The following NRXN1 variants were observed in gnomAD, a reference collection of about 807,000 sequenced individuals.
NRXN1 encodes neurexin-1.
In NRXN1, 39 loss-of-function variants were observed where a neutral mutation model predicts 150.9. The ratio of observed to expected loss-of-function variants is 0.26; its 90% CI spans 0.20 to 0.34. The LOEUF is 0.34. NRXN1 is among the 10% of genes least tolerant of loss of function. The probability of loss-of-function intolerance (pLI) is 1.00; values close to 1 mark genes in which losing one functional copy is unlikely to be tolerated. For missense variants in NRXN1, 1,815 were observed against 1,949.9 expected (o/e 0.93, Z 1.30); for synonymous variants, 924 against 757.0 (o/e 1.22, Z -3.62).
chr2:50,147,065 T>C (rs1558973625), intron 18 of NRXN1, among the ~76,000 whole-genome samples: 1 of 151,746 alleles, frequency 6.6e-6, no homozygotes, highest in Non-Finnish European at 1.5e-5. Flanking sequence ...AAATGCTCTC[T>C]GATTGGTGGG....
intron 17 of NRXN1, among the ~76,000 whole-genome samples, chr2:50,412,985 A>T (rs997805269): frequency 6.6e-6 from 1 of 152,236 alleles, no homozygotes; most frequent in Non-Finnish European, 1.5e-5. Context: ...AATTACTACA[A>T]GAAAACACTG....
Position 50,938,769 on chromosome 2 carries a change from A to T in NRXN1, c.773-12814T>A, listed in dbSNP as rs577053938. On this transcript the variant is annotated intron_variant, in intron 2 of 22. Coordinates refer to ENST00000401669, the MANE Select transcript of NRXN1 (RefSeq NM_001330078.2). ...ACATGAGGAATTAAATGAAGAATGA[A>T]TGACCCAATGGTAAAATCAGGCCTG... Among the ~76,000 whole-genome samples the T allele has an allele frequency of 4.6e-5, 7 of 152,340 alleles. No individual in the cohort carries two copies. In the South Asian group the frequency reaches 1.4e-3, roughly 32 times the overall value.
At chr2:50,179,711 A>G (rs1254542300) in intron 18 of NRXN1, among the ~76,000 whole-genome samples, 1 of 152,150 alleles carries the variant, frequency 6.6e-6, no homozygotes, top group East Asian at 1.9e-4. Context: ...TTAAATTGTT[A>G]CCCTTTTTTA....
At chr2:50,976,808 T>C (rs1465108474) in intron 2 of NRXN1, among the ~76,000 whole-genome samples, 1 of 151,950 alleles carries the variant, frequency 6.6e-6, no homozygotes, top group Non-Finnish European at 1.5e-5. Context: ...AATCATCGAT[T>C]AAATAACATT....
At chr2:50,543,058 T>C (rs1573475920) in intron 9 of NRXN1, among the ~76,000 whole-genome samples, 2 of 152,262 alleles carry the variant, frequency 1.3e-5, no homozygotes, top group East Asian at 3.9e-4. Context: ...TATATATCAA[T>C]GGAAAAGGAG....
intron 17 of NRXN1, among the ~76,000 whole-genome samples, chr2:50,299,435 T>A (rs1268546083): frequency 6.6e-6 from 1 of 151,906 alleles, no homozygotes; most frequent in African/African-American, 2.4e-5. Flanking sequence ...TAAAACTGAC[T>A]TCTAAATTTA....
chr2:50,249,746 T>C (rs1349214098), intron 17 of NRXN1, among the ~76,000 whole-genome samples: 1 of 151,980 alleles, frequency 6.6e-6, no homozygotes, highest in East Asian at 1.9e-4. Flanking sequence ...CAAGCTATTC[T>C]CCTGCCTCAG....
At chr2:50,991,396 G>C (rs1488530388) in intron 2 of NRXN1, among the ~76,000 whole-genome samples, 1 of 151,718 alleles carries the variant, frequency 6.6e-6, no homozygotes, top group Admixed American at 6.6e-5. Context: ...TCATCAAAAT[G>C]GATGCTTGTG....
intron 5 of NRXN1, among the ~76,000 whole-genome samples, chr2:50,651,372 G>A (rs2104559020): frequency 6.6e-6 from 1 of 152,048 alleles, no homozygotes; most frequent in South Asian, 2.1e-4. Context: ...CAGCACTTTG[G>A]GAGGCCGAGG....
At chr2:50,904,107 A>T (rs902759961) in intron 5 of NRXN1, among the ~76,000 whole-genome samples, 1 of 152,132 alleles carries the variant, frequency 6.6e-6, no homozygotes, top group Non-Finnish European at 1.5e-5. Context: ...CAGAACCCTT[A>T]GGCTCAGTAA....
intron 9 of NRXN1, among the ~76,000 whole-genome samples, chr2:50,550,916 C>T (rs1667372706): frequency 1.3e-5 from 2 of 151,718 alleles, no homozygotes; most frequent in South Asian, 2.1e-4. Context: ...CTCCTGACCT[C>T]GTGATCTGCC....
chr2:50,878,855 C>G (rs1236465701), intron 5 of NRXN1, among the ~76,000 whole-genome samples: 1 of 151,920 alleles, frequency 6.6e-6, no homozygotes, highest in Non-Finnish European at 1.5e-5. Flanking sequence ...TTTGCTTCCC[C>G]AAAGATTCTC....
intron 19 of NRXN1, among the ~76,000 whole-genome samples, chr2:50,072,582 G>A (rs1189704979): frequency 1.3e-5 from 2 of 149,672 alleles, no homozygotes; most frequent in Admixed American, 6.6e-5. Context: ...AGTTTTGTGA[G>A]GCTTGCTAAA....
intron 18 of NRXN1, among the ~76,000 whole-genome samples, chr2:50,224,800 AC>A (rs1172875162): frequency 6.6e-6 from 1 of 151,716 alleles, no homozygotes. Context: ...AGGGAGGATT[AC>A]TACAGGACAG....
chr2:50,095,837 G>A (rs915511153), intron 18 of NRXN1, among the ~76,000 whole-genome samples: 2 of 150,788 alleles, frequency 1.3e-5, no homozygotes, highest in African/African-American at 4.9e-5. Flanking sequence ...TGCACAACGT[G>A]CAGGTTTGTT....
intron 5 of NRXN1, among the ~76,000 whole-genome samples, chr2:50,638,324 T>A (rs777807226): frequency 2.0e-5 from 3 of 152,184 alleles, no homozygotes; most frequent in Non-Finnish European, 4.4e-5. Context: ...AAACTCAATG[T>A]TTTGCAGTTT....
chr2:50,717,009 T>G (rs1230139542), intron 5 of NRXN1, among the ~76,000 whole-genome samples: 1 of 152,124 alleles, frequency 6.6e-6, no homozygotes, highest in Non-Finnish European at 1.5e-5. Flanking sequence ...CAAAGAGTAG[T>G]GGAAAAAGTC....
intron 21 of NRXN1, among the ~76,000 whole-genome samples, chr2:50,008,845 C>T (rs1573378736): frequency 6.6e-6 from 1 of 152,054 alleles, no homozygotes; most frequent in African/African-American, 2.4e-5. Context: ...AAGCAACAAG[C>T]TTACTCTACA....
chr2:50,124,789 C>T (rs541355661), intron 18 of NRXN1, among the ~76,000 whole-genome samples: 10 of 152,180 alleles, frequency 6.6e-5, no homozygotes, highest in African/African-American at 2.4e-4. Context: ...CCAACCATAA[C>T]TTAAATGTTT....
Sources: gnomAD v4.1 joint callset for allele counts (sites outside exome capture counted in the v4.1 genomes callset) on GRCh38, gnomAD v4.1.1 for gene constraint, MANE v1.5 for transcripts, NCBI Gene and HGNC (gene_info 2026-07-23, HGNC 2026-07-21) for gene names.